PDS5B: variants seen among roughly 807,000 people sequenced by gnomAD.
PDS5B encodes the protein sister chromatid cohesion protein PDS5 homolog B.
Under a neutral mutation model 184.1 loss-of-function variants are expected in PDS5B, and 51 were observed. That is an observed-to-expected ratio of 0.28 (90% CI 0.22 to 0.35). The LOEUF (loss-of-function observed/expected upper bound fraction) is 0.35. Ranked by LOEUF, PDS5B falls within the 10% of genes least tolerant of loss-of-function variation. The probability of loss-of-function intolerance (pLI) is 1.00; values close to 1 mark genes in which losing one functional copy is unlikely to be tolerated. For missense variants in PDS5B, 1,180 were observed against 1,723.3 expected (o/e 0.68, Z 5.58); for synonymous variants, 566 against 569.2 (o/e 0.99, Z 0.08).
intron 8 of PDS5B, among the ~76,000 whole-genome samples, chr13:32,674,290 C>T (rs997923180): frequency 6.6e-6 from 1 of 152,076 alleles, no homozygotes; most frequent in African/African-American, 2.4e-5. Flanking sequence ...ATGTTTGTGT[C>T]TAAAATTTTT....
rs548843892 is a variant in PDS5B at position 32,694,135 on chromosome 13, A to C, written c.1470-88A>C. ...CTCATCTCTGTCATCTCCTTTTATA[A>C]TTTGAACCTTAAATTATATAGTAGT... On this transcript the variant is annotated intron_variant, in intron 13 of 34. Transcript: ENST00000315596. The C allele has an allele frequency of 3.4e-6, 3 of 883,896 alleles. No homozygotes were observed. The South Asian group carries it at 4.6e-5, about 13-fold the overall frequency. The allele number at this position is 883,896 out of a possible 1,614,324, so 54.8% of individuals were successfully genotyped here.
intron 17 of PDS5B, among the ~76,000 whole-genome samples, chr13:32,704,096 A>C (rs533458522): frequency 6.6e-6 from 1 of 152,038 alleles, no homozygotes; most frequent in Non-Finnish European, 1.5e-5. Context: ...CTTTGGTATC[A>C]TATTAATAGC....
At chr13:32,707,226 A>G (rs1952051995) in intron 18 of PDS5B, among the ~76,000 whole-genome samples, 187 bp downstream of exon 18, 1 of 152,172 alleles carries the variant, frequency 6.6e-6, no homozygotes, top group Non-Finnish European at 1.5e-5. Context: ...TGGGGTTTAA[A>G]TGCTGTAATC....
chr13:32,733,308 C>T (rs752266081), intron 20 of PDS5B, among the ~76,000 whole-genome samples: 7 of 152,068 alleles, frequency 4.6e-5, no homozygotes, highest in Non-Finnish European at 1.0e-4. Context: ...GGCTGGCTTC[C>T]TGAGAAAAGG....
In PDS5B at chr13:32,655,432, G is replaced by T. The variant is rs989378971; in HGVS notation, c.313-2807G>T. Reference sequence around the variant, plus strand: ...TTCACACCGTTGCTCAGGCTGGAGTGCAGTGGTGCGATCTTGGCTCACTGC... The same window carrying T: ...TTCACACCGTTGCTCAGGCTGGAGTTCAGTGGTGCGATCTTGGCTCACTGC... On this transcript the variant is annotated intron_variant, in intron 3 of 34. Transcript: ENST00000315596. 3.8e-5 allele frequency among the ~76,000 whole-genome samples: 5 copies of T among 133,198 alleles called. No homozygotes were observed. The East Asian group carries it at 9.3e-4, about 25-fold the overall frequency. 87.4% of individuals were successfully genotyped at this position (133,198 alleles called of 152,430 possible).
chr13:32,658,291 GC>G lies in PDS5B; in HGVS notation c.368del (p.Pro123HisfsTer25). On this transcript the variant is annotated frameshift_variant, in exon 4 of 35. Transcript: ENST00000315596. LOFTEE classifies it high-confidence loss of function. Reference protein sequence around the residue: ...RQLKGLEDTKSPQFNRYFYLL... With the variant: ...RQLKGLEDTKXPQFNRYFYLL... ...TTGAAGGGGCTAGAGGATACAAAGA[GC>G]CCACAATTCAATAGGTATTTTTATT... 6.5e-7 allele frequency: 1 copy of G among 1,529,940 alleles called. No individual in the cohort carries two copies. Among genetic ancestry groups the G allele is most frequent in the Non-Finnish European group, 9.0e-7 (1 of 1,107,216 alleles). The allele number at this position is 1,529,940 out of a possible 1,614,324, so 94.8% of individuals were successfully genotyped here.
chr13:32,686,582 G>A (rs1311781387), intron 11 of PDS5B, among the ~76,000 whole-genome samples: 1 of 152,064 alleles, frequency 6.6e-6, no homozygotes, highest in Non-Finnish European at 1.5e-5. Context: ...CCAGGAGTTC[G>A]AGACCAGCCT....
intron 25 of PDS5B, among the ~76,000 whole-genome samples, chr13:32,754,330 A>G (rs1593610054): frequency 6.6e-6 from 1 of 152,116 alleles, no homozygotes; most frequent in South Asian, 2.1e-4. Flanking sequence ...AACACCTTAT[A>G]GCCCTTTATA....
At chr13:32,619,344 G>C (rs1234416680) in intron 1 of PDS5B, among the ~76,000 whole-genome samples, 1 of 152,128 alleles carries the variant, frequency 6.6e-6, no homozygotes, top group Non-Finnish European at 1.5e-5. Context: ...GTAGCCTGTT[G>C]CTCCTAGGCC....
intron 6 of PDS5B, among the ~76,000 whole-genome samples, chr13:32,661,385 CAAAAAAAA>C (rs747985772): frequency 5.6e-4 from 18 of 32,014 alleles, no homozygotes; most frequent in Non-Finnish European, 8.5e-4. Flanking sequence ...GACTCTGTCT[CAAAAAAAA>C]AAAAAAAAAA....
At chr13:32,682,854 G>A (rs1240316559) in intron 10 of PDS5B, among the ~76,000 whole-genome samples, 1 of 152,010 alleles carries the variant, frequency 6.6e-6, no homozygotes, top group East Asian at 1.9e-4. Context: ...GTTCTTCCTG[G>A]AAATAAGCTT....
chr13:32,696,141 A>G (rs1650079883), intron 14 of PDS5B, among the ~76,000 whole-genome samples: 1 of 152,100 alleles, frequency 6.6e-6, no homozygotes, highest in Non-Finnish European at 1.5e-5. Flanking sequence ...CTCATTCTCA[A>G]TAGGGATGGT....
In PDS5B at chr13:32,775,774, A is replaced by G; in HGVS notation, c.*722A>G. 2.6e-6 allele frequency: 1 copy of G among 390,950 alleles called. No individual in the cohort carries two copies. The highest frequency in any genetic ancestry group is 3.2e-5 in the Admixed American group (1 of 31,138). 24.2% of individuals were successfully genotyped at this position (390,950 alleles called of 1,614,324 possible). On this transcript the variant is annotated 3_prime_UTR_variant, in exon 35 of 35. Coordinates refer to ENST00000315596, the MANE Select transcript of PDS5B (RefSeq NM_015032.4). Reference sequence around the variant, plus strand: ...GCCTTTCATGGCAATGAAAATTTTAAGAAGAAAGATTTAAAGTATTTTAAT... The same window carrying G: ...GCCTTTCATGGCAATGAAAATTTTAGGAAGAAAGATTTAAAGTATTTTAAT...
chr13:32,622,940 G>C (rs986434658), intron 1 of PDS5B, among the ~76,000 whole-genome samples: 17 of 152,216 alleles, frequency 1.1e-4, no homozygotes, highest in African/African-American at 3.6e-4. Context: ...TGAGTCAGGG[G>C]AATGGGAGAT....
At chr13:32,712,842 A>AG (rs1055743629) in intron 19 of PDS5B, among the ~76,000 whole-genome samples, 1 of 152,240 alleles carries the variant, frequency 6.6e-6, no homozygotes, top group Non-Finnish European at 1.5e-5. Context: ...TTTAGTGATG[A>AG]GGTAAGACTA....
At chr13:32,619,945 C>T (rs1280837621) in intron 1 of PDS5B, among the ~76,000 whole-genome samples, 2 of 151,952 alleles carry the variant, frequency 1.3e-5, no homozygotes, top group Admixed American at 1.3e-4. Flanking sequence ...ATTACAGGGG[C>T]CCGCAACCAC....
intron 31 of PDS5B, among the ~76,000 whole-genome samples, chr13:32,769,182 G>A (rs1285067276): frequency 6.6e-6 from 1 of 151,660 alleles, no homozygotes; most frequent in African/African-American, 2.4e-5. Flanking sequence ...AAGCATAGAG[G>A]CATACACAAA....
At chr13:32,631,946 T>G (rs208411) in intron 1 of PDS5B, among the ~76,000 whole-genome samples, 36 of 151,966 alleles carry the variant, frequency 2.4e-4, no homozygotes, top group African/African-American at 8.5e-4. Flanking sequence ...ACCAGGATAT[T>G]CTTATTAAAA....
chr13:32,669,530 TTAAA>T (rs959742032), intron 7 of PDS5B, among the ~76,000 whole-genome samples: 55 of 152,272 alleles, frequency 3.6e-4, no homozygotes, highest in African/African-American at 1.2e-3. Flanking sequence ...ATAATGGAAG[TTAAA>T]TAAAGAAAAA....
Sources: allele counts gnomAD v4.1 joint callset (sites outside exome capture counted in the v4.1 genomes callset), GRCh38; gene constraint gnomAD v4.1.1; transcripts MANE v1.5; gene names NCBI Gene and HGNC (gene_info 2026-07-23, HGNC 2026-07-21).